The following GRAP2 variants were observed in gnomAD, a reference collection of about 807,000 sequenced individuals.
GRAP2 encodes the protein GRB2-related adapter protein 2.
In GRAP2, 31 loss-of-function variants were observed where a neutral mutation model predicts 43.5. The ratio of observed to expected loss-of-function variants is 0.71; its 90% CI spans 0.54 to 0.96. The LOEUF (loss-of-function observed/expected upper bound fraction) is 0.96, where lower values mean the gene tolerates loss of function less well. Among genes scored for constraint, GRAP2 ranks in the 40% least tolerant of loss-of-function variants. The probability of loss-of-function intolerance (pLI) is 0.00; values close to 1 mark genes in which losing one functional copy is unlikely to be tolerated. For missense variants in GRAP2, 371 were observed against 424.4 expected (o/e 0.87, Z 1.11); for synonymous variants, 156 against 164.8 (o/e 0.95, Z 0.41).
intron 2 of GRAP2, among the ~76,000 whole-genome samples, chr22:39,952,082 A>G (rs914244122): frequency 6.7e-6 from 1 of 148,512 alleles, no homozygotes; most frequent in East Asian, 2.0e-4. Flanking sequence ...GCTGGAGTGC[A>G]ATGGCGCAAT....
intron 1 of GRAP2, among the ~76,000 whole-genome samples, chr22:39,941,773 A>G (rs557961507): frequency 6.6e-6 from 1 of 152,278 alleles, no homozygotes; most frequent in African/African-American, 2.4e-5. Context: ...ACAAAGCCAA[A>G]ATATTTACTC....
chr22:39,933,841 G>GAA (rs763095563), intron 1 of GRAP2, among the ~76,000 whole-genome samples: 1 of 131,420 alleles, frequency 7.6e-6, no homozygotes. Flanking sequence ...ACCCTGTCTC[G>GAA]AAAAAAAAAA....
chr22:39,931,897 T>C (rs559900818), intron 1 of GRAP2, among the ~76,000 whole-genome samples: 3 of 152,186 alleles, frequency 2.0e-5, no homozygotes, highest in Admixed American at 6.5e-5. Context: ...ACCCACACAA[T>C]ATTAAAAGCA....
intron 2 of GRAP2, among the ~76,000 whole-genome samples, chr22:39,955,293 G>A (rs2067034939): frequency 6.6e-6 from 1 of 152,110 alleles, no homozygotes; most frequent in Non-Finnish European, 1.5e-5. Context: ...AGGAGGTGGA[G>A]GTTGCAGTGA....
upstream of GRAP2, among the ~76,000 whole-genome samples, chr22:39,900,691 T>G (rs1180574457): frequency 6.6e-6 from 1 of 152,194 alleles, no homozygotes; most frequent in Non-Finnish European, 1.5e-5. Flanking sequence ...CTTCTTTTTT[T>G]GTCAAGAGTA....
At chr22:39,938,019 T>C (rs1377545996) in intron 1 of GRAP2, among the ~76,000 whole-genome samples, 1 of 151,134 alleles carries the variant, frequency 6.6e-6, no homozygotes. Flanking sequence ...CAGACTGGCG[T>C]TGATTAAAGA....
chr22:39,899,163 C>T (rs191278644), upstream of GRAP2, among the ~76,000 whole-genome samples: 1 of 152,308 alleles, frequency 6.6e-6, no homozygotes, highest in East Asian at 1.9e-4. Context: ...GTCTGTCAAT[C>T]AGTACTTACT....
At chr22:39,929,008 A>G (rs2145601751) in intron 1 of GRAP2, among the ~76,000 whole-genome samples, 1 of 152,374 alleles carries the variant, frequency 6.6e-6, no homozygotes, top group South Asian at 2.1e-4. Flanking sequence ...TTACAGAGAT[A>G]AAACCTCCTG....
At position 39,971,347 on chromosome 22, in the gene GRAP2, G is replaced by T. The variant is rs1601749321; in HGVS notation, c.*263G>T. On this transcript the variant is annotated 3_prime_UTR_variant, in exon 8 of 8. Coordinates refer to ENST00000344138, the MANE Select transcript of GRAP2 (RefSeq NM_004810.4). ...GGAAGGCAGTGGGGGAGTTGGGAGG[G>T]GGGCAGGGAAATGAAATGGAGTTTT... The T allele has an allele frequency of 4.4e-6, 2 of 457,408 alleles. No individual in the cohort carries two copies. Among genetic ancestry groups the T allele is most frequent in the East Asian group, 8.1e-5 (2 of 24,618 alleles). 28.3% of individuals were successfully genotyped at this position (457,408 alleles called of 1,614,324 possible).
At chr22:39,922,955 T>C (rs886643327) in intron 1 of GRAP2, among the ~76,000 whole-genome samples, 14 of 151,922 alleles carry the variant, frequency 9.2e-5, no homozygotes, top group Admixed American at 6.5e-4. Context: ...GGCAGGAGAA[T>C]TGCTTGAACC....
chr22:39,967,595 G>C (rs1338153597), intron 5 of GRAP2, among the ~76,000 whole-genome samples: 1 of 152,212 alleles, frequency 6.6e-6, no homozygotes, highest in Non-Finnish European at 1.5e-5. Flanking sequence ...GAATGTTGCT[G>C]TTTGGGTCTC....
At chr22:39,964,683 G>A in intron 4 of GRAP2, 1 of 527,254 alleles carries the variant, frequency 1.9e-6, no homozygotes, top group Admixed American at 3.6e-5. Flanking sequence ...GTGTCGTCTT[G>A]GAGCTGTTGT....
intron 1 of GRAP2, among the ~76,000 whole-genome samples, chr22:39,939,328 C>G (rs1394680756): frequency 6.6e-6 from 1 of 151,986 alleles, no homozygotes; most frequent in Admixed American, 6.6e-5. Flanking sequence ...TTTGGGAGGC[C>G]GAGGCAGGCA....
At chr22:39,962,688 C>T (rs545465925) in intron 4 of GRAP2, among the ~76,000 whole-genome samples, 18 of 151,944 alleles carry the variant, frequency 1.2e-4, no homozygotes, top group African/African-American at 3.6e-4. Flanking sequence ...GACAGACTCT[C>T]GCTCTGTCGC....
intron 2 of GRAP2, chr22:39,948,137 G>A (rs187585343): frequency 1.3e-5 from 2 of 152,182 alleles, no homozygotes; most frequent in Admixed American, 1.3e-4. Context: ...CATGTGAGAG[G>A]GTGACATTGA....
At chr22:39,929,047 A>G (rs980179951) in intron 1 of GRAP2, among the ~76,000 whole-genome samples, 2 of 152,250 alleles carry the variant, frequency 1.3e-5, no homozygotes, top group Non-Finnish European at 2.9e-5. Flanking sequence ...GGCCTGGTTG[A>G]ACATTACATC....
intron 1 of GRAP2, among the ~76,000 whole-genome samples, chr22:39,907,400 T>C (rs2066530681): frequency 6.6e-6 from 1 of 152,230 alleles, no homozygotes; most frequent in Admixed American, 6.5e-5. Context: ...TCCACCCATA[T>C]ATCCTGAATA....
intron 1 of GRAP2, among the ~76,000 whole-genome samples, chr22:39,934,112 G>C (rs181445816): frequency 6.6e-6 from 1 of 152,268 alleles, no homozygotes; most frequent in Admixed American, 6.5e-5. Flanking sequence ...AGTTGACCCT[G>C]TTACGGTTTC....
chr22:39,903,517 A>T (rs1194311989), intron 1 of GRAP2, among the ~76,000 whole-genome samples: 2 of 133,762 alleles, frequency 1.5e-5, no homozygotes, highest in Non-Finnish European at 3.1e-5. Context: ...TCACTCTGTC[A>T]CTCAGGCTGG....
Sources: allele counts gnomAD v4.1 joint callset (sites outside exome capture counted in the v4.1 genomes callset), GRCh38; gene constraint gnomAD v4.1.1; transcripts MANE v1.5; gene names NCBI Gene and HGNC (gene_info 2026-07-23, HGNC 2026-07-21).